PRR5L: variants seen among roughly 807,000 people sequenced by gnomAD.
PRR5L encodes the protein proline rich 5 like.
In PRR5L, 21 loss-of-function variants were observed where a neutral mutation model predicts 36.4. The ratio of observed to expected loss-of-function variants is 0.58; its 90% CI spans 0.41 to 0.83. The LOEUF (loss-of-function observed/expected upper bound fraction) is 0.83, where lower values mean the gene tolerates loss of function less well. Ranked by LOEUF, PRR5L falls within the 40% of genes least tolerant of loss-of-function variation. The probability of loss-of-function intolerance (pLI) is 0.00; values close to 1 mark genes in which losing one functional copy is unlikely to be tolerated. For missense variants in PRR5L, 381 were observed against 473.3 expected, an observed-to-expected ratio of 0.80 and a Z score of 1.81; for synonymous variants, 188 against 197.0, an observed-to-expected ratio of 0.95 and a Z score of 0.38.
Position 36,462,518 on chromosome 11 carries a change from T to G in PRR5L, c.889T>G (p.Ser297Ala), listed in dbSNP as rs572962420. Reference protein sequence around the residue: ...VRRHTVANAHSDIQLLAMATM... With the variant: ...VRRHTVANAHADIQLLAMATM... ...GCGGCACACGGTGGCCAATGCCCAC[T>G]CGGACATCCAGCTGCTGGCCATGGC... Residue 297 changes from serine (S) to alanine (A), a missense_variant, in exon 9 of 9, where the codon TCG becomes GCG. Physicochemically the swap from Ser to Ala is moderately conservative, Grantham distance 99. Transcript: ENST00000530639. 3.3e-5 allele frequency: 53 copies of G among 1,608,822 alleles called. No individual in the cohort carries two copies. In the East Asian group the frequency reaches 1.1e-3, roughly 34 times the overall value.
chr11:36,361,494 A>T (rs1857087227), intron 1 of PRR5L, among the ~76,000 whole-genome samples: 1 of 152,228 alleles, frequency 6.6e-6, no homozygotes. Flanking sequence ...TATAACTTAT[A>T]AAAACAAAAG....
chr11:36,394,760 G>A (rs1857622878), intron 1 of PRR5L, among the ~76,000 whole-genome samples: 1 of 152,116 alleles, frequency 6.6e-6, no homozygotes, highest in Non-Finnish European at 1.5e-5. Context: ...GATAATCTGG[G>A]ACCAGCTTCT....
intron 4 of PRR5L, among the ~76,000 whole-genome samples, chr11:36,420,237 C>T (rs1027620181): frequency 6.6e-6 from 1 of 152,148 alleles, no homozygotes; most frequent in East Asian, 1.9e-4. Flanking sequence ...TCCTCATCTG[C>T]GAAATGGGAC....
intron 8 of PRR5L, among the ~76,000 whole-genome samples, chr11:36,459,038 G>A (rs1171432013): frequency 6.6e-6 from 1 of 152,176 alleles, no homozygotes; most frequent in Non-Finnish European, 1.5e-5. Flanking sequence ...AAAAGAAGAG[G>A]AGGCCCAGAA....
At chr11:36,432,023 C>G in intron 5 of PRR5L, 113 bp downstream of exon 5, 1 of 840,712 alleles carries the variant, frequency 1.2e-6, no homozygotes, top group East Asian at 2.5e-5. Context: ...GTGATTCACC[C>G]TGTCCGTTTC....
chr11:36,403,240 A>G, intron 2 of PRR5L, 58 bp from the exon 3 acceptor site: 1 of 1,499,926 alleles, frequency 6.7e-7, no homozygotes, highest in South Asian at 1.1e-5. Context: ...CTGAGCTGCT[A>G]TTGAAATGGC....
At chr11:36,460,006 T>A (rs924019564) in intron 8 of PRR5L, among the ~76,000 whole-genome samples, 2 of 152,222 alleles carry the variant, frequency 1.3e-5, no homozygotes, top group African/African-American at 4.8e-5. Flanking sequence ...AATGAAATTT[T>A]AAAAATCACC....
intron 1 of PRR5L, among the ~76,000 whole-genome samples, chr11:36,300,803 G>A (rs1856367675): frequency 6.6e-6 from 1 of 152,210 alleles, no homozygotes; most frequent in African/African-American, 2.4e-5. Flanking sequence ...GCTGTGTCAG[G>A]TTCATCTGGC....
At chr11:36,323,646 T>G (rs1234709672) in intron 1 of PRR5L, among the ~76,000 whole-genome samples, 1 of 152,270 alleles carries the variant, frequency 6.6e-6, no homozygotes, top group African/African-American at 2.4e-5. Flanking sequence ...TATTTTGATT[T>G]GACTTTCTAT....
At chr11:36,390,079 C>T (rs894463792) in intron 1 of PRR5L, among the ~76,000 whole-genome samples, 3 of 152,150 alleles carry the variant, frequency 2.0e-5, no homozygotes, top group African/African-American at 7.2e-5. Flanking sequence ...ATGGGCCTCA[C>T]AAACCTATAA....
In PRR5L at chr11:36,427,046, C is replaced by T. The variant is rs117457309; in HGVS notation, c.295-4807C>T. On this transcript the variant is annotated intron_variant, in intron 4 of 8. Coordinates refer to ENST00000530639, the MANE Select transcript of PRR5L (RefSeq NM_001160167.2). ...GTTCTGCCCACCTTTCCAACCCACC[C>T]TCTGTGATGACCCGGGAGGAGCTGG... Among the ~76,000 whole-genome samples, 749 of 152,322 alleles carry T rather than the reference C, an allele frequency of 4.9e-3. 14 individuals carry two copies. Among genetic ancestry groups the T allele is most frequent in the East Asian group, 0.043 (223 of 5,178 alleles).
chr11:36,341,513 G>C (rs920885887), intron 1 of PRR5L, among the ~76,000 whole-genome samples: 9 of 152,222 alleles, frequency 5.9e-5, no homozygotes, highest in African/African-American at 2.2e-4. Context: ...AAGAACACAG[G>C]CTTCAATTGG....
At chr11:36,420,200 G>A (rs1858233559) in intron 4 of PRR5L, among the ~76,000 whole-genome samples, 1 of 152,250 alleles carries the variant, frequency 6.6e-6, no homozygotes, top group Admixed American at 6.5e-5. Context: ...GAGTGGGCAA[G>A]CTGTTTCACC....
intron 1 of PRR5L, among the ~76,000 whole-genome samples, chr11:36,347,936 A>AT (rs1350514240): frequency 6.6e-6 from 1 of 151,940 alleles, no homozygotes; most frequent in Non-Finnish European, 1.5e-5. Context: ...CCAAGCCTCC[A>AT]TTTTTCCTCT....
intron 1 of PRR5L, among the ~76,000 whole-genome samples, chr11:36,347,663 A>T (rs1034834814): frequency 1.3e-5 from 2 of 151,876 alleles, no homozygotes; most frequent in Non-Finnish European, 1.5e-5. Context: ...CACATCCTAG[A>T]GAGGAGAAAG....
At chr11:36,361,476 T>C (rs1857086936) in intron 1 of PRR5L, among the ~76,000 whole-genome samples, 1 of 152,218 alleles carries the variant, frequency 6.6e-6, no homozygotes, top group Non-Finnish European at 1.5e-5. Flanking sequence ...ATGTTAAGTA[T>C]CAACAGATAT....
At chr11:36,448,300 G>A (rs984773970) in intron 7 of PRR5L, among the ~76,000 whole-genome samples, 3 of 152,070 alleles carry the variant, frequency 2.0e-5, no homozygotes, top group Non-Finnish European at 2.9e-5. Flanking sequence ...TCCATGGGAC[G>A]GCCTCAAACT....
At chr11:36,397,617 C>T (rs776865409) in intron 1 of PRR5L, among the ~76,000 whole-genome samples, 2 of 151,500 alleles carry the variant, frequency 1.3e-5, no homozygotes, top group South Asian at 2.1e-4. Flanking sequence ...CCACCATGCC[C>T]GGCTAATTTT....
At chr11:36,388,701 T>TTC (rs1443129872) in intron 1 of PRR5L, among the ~76,000 whole-genome samples, 5 of 139,086 alleles carry the variant, frequency 3.6e-5, no homozygotes, top group African/African-American at 7.7e-5. Flanking sequence ...TTTCTTTCTT[T>TTC]TTTTTTTTTT....
Sources: gnomAD v4.1 joint callset for allele counts (sites outside exome capture counted in the v4.1 genomes callset) on GRCh38, gnomAD v4.1.1 for gene constraint, MANE v1.5 for transcripts, NCBI Gene and HGNC (gene_info 2026-07-23, HGNC 2026-07-21) for gene names.